OSBPL5: variants seen among roughly 807,000 people sequenced by gnomAD.
The protein encoded by OSBPL5 is oxysterol-binding protein-related protein 5.
A neutral mutation model predicts 111.2 loss-of-function variants in OSBPL5; 71 were observed. The ratio of observed to expected loss-of-function variants is 0.64; its 90% CI spans 0.53 to 0.78. The LOEUF is 0.78. Ranked by LOEUF, OSBPL5 falls within the 30% of genes least tolerant of loss-of-function variation. The pLI, the probability that OSBPL5 is intolerant of heterozygous loss-of-function variation, is 0.00. For synonymous variants in OSBPL5, 549 were observed against 513.9 expected (o/e 1.07, Z -0.93); for missense variants, 1,210 against 1,189.3 (o/e 1.02, Z -0.26).
chr11:3,095,814 G>A (rs1326622155), intron 14 of OSBPL5, among the ~76,000 whole-genome samples: 1 of 152,216 alleles, frequency 6.6e-6, no homozygotes, highest in East Asian at 1.9e-4. Flanking sequence ...AAGTGAAAGA[G>A]GATGGAACGT....
At chr11:3,137,138 T>C (rs1845969899) in intron 1 of OSBPL5, among the ~76,000 whole-genome samples, 1 of 152,198 alleles carries the variant, frequency 6.6e-6, no homozygotes, top group Non-Finnish European at 1.5e-5. Flanking sequence ...AAGATCCTGC[T>C]GTGAGGAAAC....
chr11:3,094,161 G>T, intron 15 of OSBPL5, 76 bp downstream of exon 15: 2 of 1,400,258 alleles, frequency 1.4e-6, no homozygotes, highest in East Asian at 2.4e-5. Context: ...TTGGGGCCTG[G>T]GGAGAGTGTG....
At chr11:3,096,995 A>AGGAAAGAGGGGGAAGATGGGAGAAGG (rs1564824486) in intron 14 of OSBPL5, among the ~76,000 whole-genome samples, 2 of 2,094 alleles carry the variant, frequency 9.6e-4, no homozygotes, top group Non-Finnish European at 9.7e-4. Flanking sequence ...GGAGGAGGAG[A>AGGAAAGAGGGGGAAGATGGGAGAAGG]AGAGGAAAGA....
rs1380298155 is a variant in OSBPL5 at position 3,140,540 on chromosome 11, C to T, written c.-21-11371G>A. Among the ~76,000 whole-genome samples, 1 of 152,118 alleles carries T rather than the reference C, an allele frequency of 6.6e-6. No individual in the cohort carries two copies. Among genetic ancestry groups the T allele is most frequent in the East Asian group, 1.9e-4 (1 of 5,182 alleles). ...AACACTCCGTGAGCACGCAGGGCCT[C>T]CCCCAGCAGAGAGGGGCACCGAGGG... On this transcript the variant is annotated intron_variant, in intron 1 of 21. Coordinates refer to ENST00000263650, the MANE Select transcript of OSBPL5 (RefSeq NM_020896.4). This position sits in a 1 kb window ranked among gnomAD's most constrained non-coding sequence, Gnocchi z 4.5.
intron 1 of OSBPL5, among the ~76,000 whole-genome samples, chr11:3,135,728 C>T (rs368336244): frequency 7.2e-5 from 11 of 152,316 alleles, no homozygotes; most frequent in Admixed American, 5.2e-4. Flanking sequence ...GCCTGGGGGC[C>T]GCCTTGCCTG....
chr11:3,088,756 G>T (rs1175475722), intron 21 of OSBPL5, among the ~76,000 whole-genome samples: 1 of 152,134 alleles, frequency 6.6e-6, no homozygotes, highest in Admixed American at 6.5e-5. Context: ...CATTAGGGTG[G>T]GCCCTGGTCC....
At chr11:3,099,291 T>C (rs912309012) in intron 14 of OSBPL5, among the ~76,000 whole-genome samples, 1 of 152,156 alleles carries the variant, frequency 6.6e-6, no homozygotes, top group Admixed American at 6.5e-5. Context: ...CTGTGAGATG[T>C]GGTAATGGCA....
intron 1 of OSBPL5, among the ~76,000 whole-genome samples, chr11:3,160,672 T>TCCCCCC (rs71035491): frequency 8.2e-6 from 1 of 122,440 alleles, no homozygotes; most frequent in African/African-American, 3.1e-5. Context: ...ATGACAACCC[T>TCCCCCC]CCCCCCCCCC....
At position 3,089,921 on chromosome 11, in the gene OSBPL5, C is replaced by T. The variant is rs1441970333; in HGVS notation, c.2426G>A (p.Arg809Lys). 2 of 1,563,424 alleles carry T rather than the reference C, an allele frequency of 1.3e-6. No individual in the cohort carries two copies. Among genetic ancestry groups the T allele is most frequent in the Non-Finnish European group, 1.7e-6 (2 of 1,154,378 alleles). Reference sequence around the variant, plus strand: ...GGCCTGCAGCCGCCGCGCCTCCTTCCTGCACCGAGGGCATGGGCTCTCACC... The same window carrying T: ...GGCCTGCAGCCGCCGCGCCTCCTTCTTGCACCGAGGGCATGGGCTCTCACC... ...PGGESPCPRC[R>K]KEARRLQALH... Residue 809 changes from arginine to lysine, a missense_variant, in exon 21 of 22, where the codon AGG becomes AAG. Arg to Lys is a conservative substitution (Grantham distance 26, BLOSUM62 2). Transcript: ENST00000263650.
At chr11:3,102,097 C>G in intron 12 of OSBPL5, 86 bp downstream of exon 12, 1 of 1,414,630 alleles carries the variant, frequency 7.1e-7, no homozygotes, top group South Asian at 1.2e-5. Context: ...CACGCTTGCC[C>G]CTGCCTGCTG....
At position 3,142,986 on chromosome 11, in the gene OSBPL5, AGGGCAGAGGAGGCAGGTGCAGAGGG is replaced by A. The variant is rs1454006797; in HGVS notation, c.-21-13842_-21-13818del. Among the ~76,000 whole-genome samples the A allele has an allele frequency of 0.069, 7,988 of 116,606 alleles. 620 individuals carry two copies. The highest frequency in any genetic ancestry group is 0.11 in the East Asian group (364 of 3,328). The allele number at this position is 116,606 out of a possible 152,430, so 76.5% of individuals were successfully genotyped here. ...TGGACGGTCCTGGAGCCTGCAGAGC[AGGGCAGAGGAGGCAGGTGCAGAGGG>A]GGGCAGAGGAGGCAGGTGCGGGGGG... On this transcript the variant is annotated intron_variant, in intron 1 of 21. Transcript: ENST00000263650. The surrounding 1 kb of genome is among the most constrained non-coding windows in gnomAD (Gnocchi z 7.1).
At position 3,092,785 on chromosome 11, in the gene OSBPL5, G is replaced by T; in HGVS notation, c.2132+82C>A. On this transcript the variant is annotated intron_variant, in intron 18 of 21. Transcript: ENST00000263650. The surrounding 1 kb of genome is among the most constrained non-coding windows in gnomAD (Gnocchi z 5.4). The stretch of plus-strand genomic sequence containing the variant: ...GGGACAGGCTGAAGGTGAGAGGGAA[G>T]CCAGGAGCCCCTGGGCCCTTCTCAG... The T allele has an allele frequency of 2.1e-6, 3 of 1,442,250 alleles. No homozygotes were observed. Among genetic ancestry groups the T allele is most frequent in the Non-Finnish European group, 1.8e-6 (2 of 1,085,864 alleles). 89.3% of individuals were successfully genotyped at this position (1,442,250 alleles called of 1,614,324 possible).
In OSBPL5 at chr11:3,126,718, G is replaced by A. The variant is rs1158593576; in HGVS notation, c.137-163C>T. The A allele has an allele frequency of 9.5e-6, 5 of 528,534 alleles. No homozygotes were observed. The highest frequency in any genetic ancestry group is 1.7e-5 in the Non-Finnish European group (5 of 298,218). The allele number at this position is 528,534 out of a possible 1,614,324, so 32.7% of individuals were successfully genotyped here. A position where few individuals can be genotyped will look rare whatever the true frequency, so the allele number is the denominator to read the frequency against. Reference sequence around the variant, plus strand: ...AGGAACAGGACACTGCCTGAGAGGTGTAATAAACGCCAGCAAGCGTCACTG... The same window carrying A: ...AGGAACAGGACACTGCCTGAGAGGTATAATAAACGCCAGCAAGCGTCACTG... On this transcript the variant is annotated intron_variant, in intron 2 of 21. Transcript: ENST00000263650. The surrounding 1 kb of genome is among the most constrained non-coding windows in gnomAD (Gnocchi z 6.5).
In OSBPL5 at chr11:3,122,508, G is replaced by A. The variant is rs1858459191; in HGVS notation, c.220-80C>T. 9 of 1,311,894 alleles carry A rather than the reference G, an allele frequency of 6.9e-6. No homozygotes were observed. The South Asian group carries it at 1.2e-4, about 17-fold the overall frequency. 81.3% of individuals were successfully genotyped at this position (1,311,894 alleles called of 1,614,324 possible). ...GGAGCCCAGGTTGGCCTGATGCCAA[G>A]GATATGAGGGCAGAAGTCAGAGAAG... is the stretch of plus-strand genomic sequence containing the variant. On this transcript the variant is annotated intron_variant, in intron 3 of 21. Transcript: ENST00000263650.
rs897743204 is a variant in OSBPL5, at chr11:3,121,696, C to T, written c.402+301G>A. 3.1e-5 allele frequency: 13 copies of T among 415,490 alleles called. No homozygotes were observed. The highest frequency in any genetic ancestry group is 6.9e-4 in the Middle Eastern group (1 of 1,444). 25.7% of individuals were successfully genotyped at this position (415,490 alleles called of 1,614,324 possible). A position where few individuals can be genotyped will look rare whatever the true frequency, so the allele number is the denominator to read the frequency against. ...CAATGTCTCCCTCCCCAGCGCCCTC[C>T]GCCCACTGGCCAGGCCCCACCTTAT... is the stretch of plus-strand genomic sequence containing the variant. On this transcript the variant is annotated intron_variant, in intron 5 of 21. Coordinates refer to ENST00000263650, the MANE Select transcript of OSBPL5 (RefSeq NM_020896.4). The surrounding 1 kb of genome is among the most constrained non-coding windows in gnomAD (Gnocchi z 4.3).
rs373706955 is a variant in OSBPL5 at position 3,162,546 on chromosome 11, A to C, written c.-22+2670T>G. 1.4e-4 allele frequency among the ~76,000 whole-genome samples: 22 copies of C among 152,160 alleles called. No homozygotes were observed. In the South Asian group the frequency reaches 4.2e-3, roughly 29 times the overall value. ...CTGGCTCAGAACAACTGTGATGCTA[A>C]GAGAACAACGCGGTCCTTAGTCCAA... On this transcript the variant is annotated intron_variant, in intron 1 of 21. Coordinates refer to ENST00000263650, the MANE Select transcript of OSBPL5 (RefSeq NM_020896.4). This position sits in a 1 kb window ranked among gnomAD's most constrained non-coding sequence, Gnocchi z 8.1.
At chr11:3,139,360 G>A (rs1447584975) in intron 1 of OSBPL5, among the ~76,000 whole-genome samples, 3 of 152,236 alleles carry the variant, frequency 2.0e-5, no homozygotes, top group Non-Finnish European at 4.4e-5. Context: ...GAAGGTGCTG[G>A]CTGTGCTGTT....
At chr11:3,118,737 A>G (rs1295213765) in intron 7 of OSBPL5, among the ~76,000 whole-genome samples, 1 of 151,736 alleles carries the variant, frequency 6.6e-6, no homozygotes, top group Non-Finnish European at 1.5e-5. Context: ...ATGCCCAGCT[A>G]ATTTTGTATT....
In OSBPL5 at chr11:3,106,309, C is replaced by T. The variant is rs909715986; in HGVS notation, c.1059+954G>A. On this transcript the variant is annotated intron_variant, in intron 9 of 21. Coordinates refer to ENST00000263650, the MANE Select transcript of OSBPL5 (RefSeq NM_020896.4). This position sits in a 1 kb window ranked among gnomAD's most constrained non-coding sequence, Gnocchi z 8.4. Reference sequence around the variant, plus strand: ...TGCTGAAACCGGGACTGCCCCTTGCCCTCAGTGACAGCCACGGCCTTGCTC... The same window carrying T: ...TGCTGAAACCGGGACTGCCCCTTGCTCTCAGTGACAGCCACGGCCTTGCTC... 6.6e-6 allele frequency among the ~76,000 whole-genome samples: 1 copy of T among 152,168 alleles called. No individual in the cohort carries two copies. Among genetic ancestry groups the T allele is most frequent in the African/African-American group, 2.4e-5 (1 of 41,430 alleles).
Sources: gnomAD v4.1 joint callset for allele counts (sites outside exome capture counted in the v4.1 genomes callset) on GRCh38, gnomAD v4.1.1 for gene constraint, Gnocchi (gnomAD v3.1) non-coding constraint, MANE v1.5 for transcripts, NCBI Gene and HGNC (gene_info 2026-07-23, HGNC 2026-07-21) for gene names.